Variants in DLG2 observed in about 807,000 individuals in gnomAD.
DLG2 encodes discs large MAGUK scaffold protein 2, also known as disks large homolog 2.
In DLG2, 45 loss-of-function variants were observed where a neutral mutation model predicts 132.5. That is an observed-to-expected ratio of 0.34 (90% CI 0.27 to 0.44). DLG2 has a LOEUF of 0.44. DLG2 is among the 20% of genes least tolerant of loss of function. The pLI, the probability that DLG2 is intolerant of heterozygous loss-of-function variation, is 1.00. For missense variants in DLG2, 1,045 were observed against 1,196.9 expected (o/e 0.87, Z 1.87); for synonymous variants, 424 against 419.6 (o/e 1.01, Z -0.13).
chr11:84,940,297 T>C (rs757385800), intron 6 of DLG2, among the ~76,000 whole-genome samples: 8 of 152,142 alleles, frequency 5.3e-5, no homozygotes, highest in Non-Finnish European at 7.4e-5. Flanking sequence ...ACTACAGGCA[T>C]GTGCCACCAC....
At chr11:83,906,077 CTCTCTATATATATA>C (rs1249058884) in intron 15 of DLG2, among the ~76,000 whole-genome samples, 7 of 97,170 alleles carry the variant, frequency 7.2e-5, no homozygotes, top group African/African-American at 3.3e-4. Flanking sequence ...CTCTCTCTCT[CTCTCTATATATATA>C]TATATATATA....
At chr11:85,317,592 G>A (rs1001424225) in intron 3 of DLG2, among the ~76,000 whole-genome samples, 2 of 151,876 alleles carry the variant, frequency 1.3e-5, no homozygotes, top group Non-Finnish European at 2.9e-5. Flanking sequence ...ATAGTCTTTT[G>A]TTCCTTCCTC....
At chr11:83,938,700 T>C (rs1345535801) in intron 14 of DLG2, among the ~76,000 whole-genome samples, 1 of 152,186 alleles carries the variant, frequency 6.6e-6, no homozygotes, top group Non-Finnish European at 1.5e-5. Flanking sequence ...AGTAAAACAA[T>C]TTAAAAAATG....
At chr11:83,995,811 A>G (rs1057022741) in intron 11 of DLG2, among the ~76,000 whole-genome samples, 2 of 152,204 alleles carry the variant, frequency 1.3e-5, no homozygotes, top group African/African-American at 4.8e-5. Context: ...ATTGCCATAT[A>G]CAAAAATCAA....
intron 11 of DLG2, among the ~76,000 whole-genome samples, chr11:84,034,915 G>C (rs1471467048): frequency 1.3e-5 from 2 of 152,152 alleles, no homozygotes; most frequent in African/African-American, 4.8e-5. Flanking sequence ...ATTACCTCAT[G>C]CCTCTATTAT....
chr11:85,445,331 C>T (rs968329240), intron 3 of DLG2, among the ~76,000 whole-genome samples: 2 of 152,106 alleles, frequency 1.3e-5, no homozygotes, highest in Non-Finnish European at 2.9e-5. Context: ...AATCCAGAAG[C>T]CATACCTCTG....
intron 14 of DLG2, among the ~76,000 whole-genome samples, chr11:83,946,122 T>C (rs1404908797): frequency 6.6e-6 from 1 of 151,792 alleles, no homozygotes; most frequent in Admixed American, 6.6e-5. Flanking sequence ...CCGGAGTGGC[T>C]GGGATTACAA....
chr11:83,831,560 G>C (rs2054532403), intron 17 of DLG2, among the ~76,000 whole-genome samples: 1 of 152,082 alleles, frequency 6.6e-6, no homozygotes, highest in South Asian at 2.1e-4. Context: ...GAGAGAAAGA[G>C]AGAGAGATTT....
At chr11:83,867,693 G>A (rs1218012793) in intron 16 of DLG2, among the ~76,000 whole-genome samples, 1 of 152,262 alleles carries the variant, frequency 6.6e-6, no homozygotes, top group Admixed American at 6.5e-5. Flanking sequence ...TCAATGGTTT[G>A]TTTATGTATT....
chr11:83,942,759 T>C (rs2082949301), intron 14 of DLG2, among the ~76,000 whole-genome samples: 1 of 152,234 alleles, frequency 6.6e-6, no homozygotes, highest in African/African-American at 2.4e-5. Flanking sequence ...ATATTTTTTG[T>C]ACCCCATAAG....
intron 9 of DLG2, among the ~76,000 whole-genome samples, chr11:84,159,909 G>T (rs1043026473): frequency 2.0e-5 from 3 of 152,130 alleles, no homozygotes; most frequent in African/African-American, 7.2e-5. Flanking sequence ...AATTGAGCAA[G>T]ACTTTTAGAT....
At chr11:84,091,556 G>A (rs981781149) in intron 10 of DLG2, among the ~76,000 whole-genome samples, 5 of 152,122 alleles carry the variant, frequency 3.3e-5, no homozygotes, top group East Asian at 3.9e-4. Context: ...CAGTATTACC[G>A]GAGACCTGCA....
chr11:84,597,410 G>C lies in DLG2; in HGVS notation c.358-62679C>G, dbSNP rs12275488. ...ATTTTTTTTCCAAAAAGTTGATACTGTTCTCAAAAGCACTCTGTTTCTACA... is the reference window on the plus strand; with the variant it reads ...ATTTTTTTTCCAAAAAGTTGATACTCTTCTCAAAAGCACTCTGTTTCTACA... On this transcript the variant is annotated intron_variant, in intron 6 of 27. Transcript: ENST00000376104. 1.7e-3 allele frequency among the ~76,000 whole-genome samples: 252 copies of C among 152,074 alleles called. 2 individuals are homozygous for C. Among genetic ancestry groups the C allele is most frequent in the African/African-American group, 5.9e-3 (243 of 41,482 alleles).
intron 3 of DLG2, among the ~76,000 whole-genome samples, chr11:85,574,753 A>G (rs982136173): frequency 1.3e-5 from 2 of 152,086 alleles, no homozygotes; most frequent in Admixed American, 6.6e-5. Context: ...TCCCTCTGCC[A>G]TGACTAAAAG....
intron 6 of DLG2, among the ~76,000 whole-genome samples, chr11:84,919,001 A>G (rs568315601): frequency 7.2e-5 from 11 of 152,290 alleles, no homozygotes; most frequent in African/African-American, 2.4e-4. Context: ...TGGAGCTAAC[A>G]TGTGAATATG....
chr11:83,990,741 TG>T (rs1243265559), intron 11 of DLG2, among the ~76,000 whole-genome samples: 2 of 152,186 alleles, frequency 1.3e-5, no homozygotes, highest in Non-Finnish European at 2.9e-5. Flanking sequence ...GAGAGAGCTC[TG>T]GGCCATCTCT....
chr11:84,090,043 T>C lies in DLG2; in HGVS notation c.749+8880A>G, dbSNP rs189298744. Among the ~76,000 whole-genome samples, 41 of 152,274 alleles carry C rather than the reference T, an allele frequency of 2.7e-4. 1 individual carries two copies. The East Asian group carries it at 7.7e-3, about 29-fold the overall frequency. On this transcript the variant is annotated intron_variant, in intron 10 of 27. Transcript: ENST00000376104. ...TCAAATACAAGTGAAGAAATAAAAATCATTCTTCATATCATGGATGTATAT... is the reference window on the plus strand; with the variant it reads ...TCAAATACAAGTGAAGAAATAAAAACCATTCTTCATATCATGGATGTATAT...
chr11:84,917,325 A>T lies in DLG2; in HGVS notation c.357+194336T>A, dbSNP rs148118353. On this transcript the variant is annotated intron_variant, in intron 6 of 27. Coordinates refer to ENST00000376104, the MANE Select transcript of DLG2 (RefSeq NM_001142699.3). ...GGTCATGCTATGTAAGACATATGCA[A>T]TTTTATTGTTTACTTAATTCCTTAC... Among the ~76,000 whole-genome samples, 286 of 152,314 alleles carry T rather than the reference A, an allele frequency of 1.9e-3. 1 individual carries two copies. Among genetic ancestry groups the T allele is most frequent in the Admixed American group, 3.6e-3 (55 of 15,298 alleles).
chr11:84,397,555 T>C (rs1002918462), intron 7 of DLG2, among the ~76,000 whole-genome samples: 1 of 152,200 alleles, frequency 6.6e-6, no homozygotes. Context: ...TCTCTCTCTA[T>C]TTTTTGGCAA....
Sources: allele counts gnomAD v4.1 joint callset (sites outside exome capture counted in the v4.1 genomes callset), GRCh38; gene constraint gnomAD v4.1.1; transcripts MANE v1.5; gene names NCBI Gene and HGNC (gene_info 2026-07-23, HGNC 2026-07-21).